Variants in ASTN2 observed in about 807,000 individuals in gnomAD.
ASTN2 encodes the protein astrotactin 2, also known as astrotactin-2.
In ASTN2, 54 loss-of-function variants were observed where a neutral mutation model predicts 139.8. The ratio of observed to expected loss-of-function variants is 0.39; its 90% CI spans 0.31 to 0.48. ASTN2 has a LOEUF of 0.48. Ranked by LOEUF, ASTN2 falls within the 20% of genes least tolerant of loss-of-function variation. ASTN2 has a pLI of 0.95. For synonymous variants in ASTN2, 756 were observed against 719.5 expected, an observed-to-expected ratio of 1.05 and a Z score of -0.81; for missense variants, 1,565 against 1,725.1, an observed-to-expected ratio of 0.91 and a Z score of 1.64.
chr9:117,274,613 T>C (rs1039743709), intron 2 of ASTN2, among the ~76,000 whole-genome samples: 1 of 152,212 alleles, frequency 6.6e-6, no homozygotes, highest in Non-Finnish European at 1.5e-5. Context: ...AAACAGAATA[T>C]TGGAGATATG....
chr9:117,047,403 C>G (rs1446301536), intron 5 of ASTN2, among the ~76,000 whole-genome samples: 1 of 152,200 alleles, frequency 6.6e-6, no homozygotes, highest in Non-Finnish European at 1.5e-5. Context: ...TGCTGTCTGA[C>G]TACGGCACTC....
intron 7 of ASTN2, among the ~76,000 whole-genome samples, chr9:116,978,762 A>G (rs1176011252): frequency 6.6e-6 from 1 of 151,920 alleles, no homozygotes. Flanking sequence ...ATCAGTTGCC[A>G]GATAAACTTA....
At chr9:116,754,820 G>A (rs891230563) in intron 13 of ASTN2, among the ~76,000 whole-genome samples, 3 of 152,174 alleles carry the variant, frequency 2.0e-5, no homozygotes, top group African/African-American at 7.2e-5. Flanking sequence ...CAATTTTATA[G>A]TCTAACCTCT....
intron 13 of ASTN2, among the ~76,000 whole-genome samples, chr9:116,785,755 A>C (rs1272783223): frequency 1.3e-5 from 2 of 151,988 alleles, no homozygotes; most frequent in Non-Finnish European, 2.9e-5. Context: ...ACCTCTCTCC[A>C]TGCTGACTTG....
chr9:117,062,313 C>A lies in ASTN2; in HGVS notation c.1277-22348G>T, dbSNP rs1052972722. Among the ~76,000 whole-genome samples, 6 of 152,300 alleles carry A rather than the reference C, an allele frequency of 3.9e-5. No homozygotes were observed. The East Asian group carries it at 1.2e-3, about 29-fold the overall frequency. ...GAATAGGGCCACAACTATCTCTAGACAGCCACCACTCACAACACTTAGGAC... is the reference window on the plus strand; with the variant it reads ...GAATAGGGCCACAACTATCTCTAGAAAGCCACCACTCACAACACTTAGGAC... On this transcript the variant is annotated intron_variant, in intron 5 of 22. Transcript: ENST00000313400.
At chr9:116,951,337 C>CGCAAAAAAAAA (rs1835553977) in intron 10 of ASTN2, among the ~76,000 whole-genome samples, 1 of 34,060 alleles carries the variant, frequency 2.9e-5, no homozygotes, top group African/African-American at 1.6e-4. Context: ...AACTCTGTCT[C>CGCAAAAAAAAA]AAAAAAAAAA....
intron 10 of ASTN2, among the ~76,000 whole-genome samples, chr9:116,893,183 AC>A (rs1833805819): frequency 6.6e-6 from 1 of 152,052 alleles, no homozygotes; most frequent in Non-Finnish European, 1.5e-5. Context: ...ACACACACAC[AC>A]ACACACACAC....
chr9:117,201,499 C>T (rs531412630), intron 3 of ASTN2, among the ~76,000 whole-genome samples: 2 of 152,122 alleles, frequency 1.3e-5, no homozygotes, highest in African/African-American at 4.8e-5. Flanking sequence ...TCTCTCTTAA[C>T]ACTGCTTTAG....
intron 19 of ASTN2, among the ~76,000 whole-genome samples, chr9:116,539,134 G>A (rs1851771004): frequency 6.6e-6 from 1 of 152,180 alleles, no homozygotes; most frequent in African/African-American, 2.4e-5. Flanking sequence ...AATGTTCAGA[G>A]TAGGCAAATC....
At chr9:117,189,105 G>A (rs1315860253) in intron 3 of ASTN2, among the ~76,000 whole-genome samples, 1 of 152,134 alleles carries the variant, frequency 6.6e-6, no homozygotes, top group East Asian at 1.9e-4. Context: ...CCTGAACAAT[G>A]TCTTATAAAA....
intron 2 of ASTN2, among the ~76,000 whole-genome samples, chr9:117,263,474 T>C (rs571816784): frequency 2.0e-5 from 3 of 152,344 alleles, no homozygotes; most frequent in Admixed American, 2.0e-4. Flanking sequence ...TTTCTTGAAA[T>C]ATCTTATTCC....
intron 13 of ASTN2, among the ~76,000 whole-genome samples, chr9:116,802,457 T>G (rs904276302): frequency 6.6e-6 from 1 of 152,168 alleles, no homozygotes; most frequent in Non-Finnish European, 1.5e-5. Flanking sequence ...TCAGGAGAAC[T>G]GAGAACGTGG....
intron 11 of ASTN2, among the ~76,000 whole-genome samples, chr9:116,846,346 A>T (rs1832430498): frequency 6.6e-6 from 1 of 152,232 alleles, no homozygotes; most frequent in South Asian, 2.1e-4. Flanking sequence ...ATTTTATGTT[A>T]TGCATATCTT....
chr9:116,941,989 TAA>T (rs34288493), intron 10 of ASTN2, among the ~76,000 whole-genome samples: 6,741 of 136,086 alleles, frequency 0.05, 316 homozygotes, highest in African/African-American at 0.13. Flanking sequence ...CTAGATAAGC[TAA>T]AAAAAAAAAA....
intron 13 of ASTN2, among the ~76,000 whole-genome samples, chr9:116,750,134 A>G (rs1032050552): frequency 6.6e-6 from 1 of 152,208 alleles, no homozygotes; most frequent in Non-Finnish European, 1.5e-5. Flanking sequence ...TTTGTAGATG[A>G]GCCTTCAGTA....
intron 2 of ASTN2, among the ~76,000 whole-genome samples, chr9:117,223,946 C>T (rs907202735): frequency 1.3e-5 from 2 of 152,164 alleles, no homozygotes; most frequent in African/African-American, 4.8e-5. Flanking sequence ...AAGATAATGC[C>T]AAAGGAGTAA....
rs1055520250 is a variant in ASTN2 at position 116,618,403 on chromosome 9, T to C, written c.3276A>G (p.Pro1092=). 3.1e-6 allele frequency: 5 copies of C among 1,614,158 alleles called. No homozygotes were observed. Among genetic ancestry groups the C allele is most frequent in the Non-Finnish European group, 4.2e-6 (5 of 1,179,988 alleles). The change falls in exon 19 of 23, where the codon CCA becomes CCG. Residue 1092 remains proline, a synonymous_variant. Transcript: ENST00000313400. ...AGTCGGAGACCTTGGTCCCAATAGCTGGCTGAACATCCACCCACTCCAAGG... is the reference window on the plus strand; with the variant it reads ...AGTCGGAGACCTTGGTCCCAATAGCCGGCTGAACATCCACCCACTCCAAGG... ...VVSLEWVDVQ[P]AIGTKVSDYI...
At chr9:117,078,724 C>A (rs368296517) in intron 5 of ASTN2, among the ~76,000 whole-genome samples, 2 of 151,898 alleles carry the variant, frequency 1.3e-5, no homozygotes, top group South Asian at 2.1e-4. Flanking sequence ...TCCTGGAGAG[C>A]TTTTTATTTT....
At chr9:117,368,845 T>C (rs959965059) in intron 1 of ASTN2, among the ~76,000 whole-genome samples, 1 of 152,164 alleles carries the variant, frequency 6.6e-6, no homozygotes, top group Admixed American at 6.6e-5. Flanking sequence ...AGGATTACTG[T>C]GCCTTTAACA....
Sources: allele counts gnomAD v4.1 joint callset (sites outside exome capture counted in the v4.1 genomes callset), GRCh38; gene constraint gnomAD v4.1.1; transcripts MANE v1.5; gene names NCBI Gene and HGNC (gene_info 2026-07-23, HGNC 2026-07-21).